KSR1: variants seen among roughly 807,000 people sequenced by gnomAD.
KSR1 encodes the protein kinase suppressor of ras 1.
A neutral mutation model predicts 92.9 loss-of-function variants in KSR1; 35 were observed. The observed-to-expected ratio is 0.38, with a 90% CI of 0.29 to 0.50. The LOEUF is 0.50. KSR1 is among the 20% of genes least tolerant of loss of function. The pLI, the probability that KSR1 is intolerant of heterozygous loss-of-function variation, is 0.94. For missense variants in KSR1, 972 were observed against 1,158.5 expected, an observed-to-expected ratio of 0.84 and a Z score of 2.34; for synonymous variants, 467 against 472.6, an observed-to-expected ratio of 0.99 and a Z score of 0.15.
At chr17:27,613,272 C>T (rs1452343068) in intron 18 of KSR1, 2 of 152,474 alleles carry the variant, frequency 1.3e-5, no homozygotes, top group African/African-American at 4.8e-5. Context: ...CCTCGGGTGC[C>T]TTAGGAGCGT....
At chr17:27,540,654 C>T (rs1025097580) in intron 1 of KSR1, among the ~76,000 whole-genome samples, 1 of 152,222 alleles carries the variant, frequency 6.6e-6, no homozygotes, top group Non-Finnish European at 1.5e-5. Flanking sequence ...GTACTTTCTC[C>T]TCTCCTTGCC....
rs1311077412 is a variant in KSR1 at position 27,625,917 on chromosome 17, G to C, written c.*2525G>C. The C allele has an allele frequency of 2.0e-5, 3 of 152,260 alleles. No individual in the cohort carries two copies. Among genetic ancestry groups the C allele is most frequent in the African/African-American group, 7.2e-5 (3 of 41,454 alleles). 9.4% of individuals were successfully genotyped at this position (152,260 alleles called of 1,614,324 possible). ...TAACCACCAGAGCCGCAGCCCCCTG[G>C]GTTTCTGTCTAACTCGAAGTCTTGA... is the stretch of plus-strand genomic sequence containing the variant. On this transcript the variant is annotated 3_prime_UTR_variant, in exon 21 of 21. Coordinates refer to ENST00000644974, the MANE Select transcript of KSR1 (RefSeq NM_001394583.1).
At chr17:27,517,940 CA>C (rs1352476474) in intron 1 of KSR1, among the ~76,000 whole-genome samples, 2 of 152,200 alleles carry the variant, frequency 1.3e-5, no homozygotes, top group Non-Finnish European at 2.9e-5. Flanking sequence ...TAAGCTAAAG[CA>C]GTAACACGAT....
intron 1 of KSR1, among the ~76,000 whole-genome samples, chr17:27,499,992 C>T (rs1469365521): frequency 6.6e-6 from 1 of 152,246 alleles, no homozygotes; most frequent in Non-Finnish European, 1.5e-5. Context: ...GCCACATCTG[C>T]ACCAGTGCTG....
At chr17:27,579,890 A>AAAAAAAAAAAAAAAAAC (rs2072674498) in intron 3 of KSR1, 1 of 140,718 alleles carries the variant, frequency 7.1e-6, no homozygotes. Flanking sequence ...AAAAAAAAAA[A>AAAAAAAAAAAAAAAAAC]AAAAAAAAAA....
Position 27,623,559 on chromosome 17 carries a change from C to A in KSR1, c.*167C>A. 1.5e-6 allele frequency: 1 copy of A among 651,464 alleles called. No individual in the cohort carries two copies. The allele number at this position is 651,464 out of a possible 1,614,324, so 40.4% of individuals were successfully genotyped here. A position where few individuals can be genotyped will look rare whatever the true frequency, so the allele number is the denominator to read the frequency against. The stretch of plus-strand genomic sequence containing the variant: ...CATAAACCCCACTCGGGAGATGGAG[C>A]TGCACCTGCTATTTCTTAAAATGAC... On this transcript the variant is annotated 3_prime_UTR_variant, in exon 21 of 21. Transcript: ENST00000644974.
intron 2 of KSR1, among the ~76,000 whole-genome samples, chr17:27,565,977 TC>T (rs2072045162): frequency 6.6e-6 from 1 of 152,144 alleles, no homozygotes. Context: ...CCATGAGCCA[TC>T]CCAGGCATCT....
At chr17:27,498,243 T>C (rs1353511951) in intron 1 of KSR1, among the ~76,000 whole-genome samples, 1 of 145,218 alleles carries the variant, frequency 6.9e-6, no homozygotes, top group Admixed American at 7.2e-5. Context: ...GGCAGGAGAA[T>C]GGCATGAACT....
chr17:27,463,661 G>C (rs903413041), intron 1 of KSR1, among the ~76,000 whole-genome samples: 1 of 152,096 alleles, frequency 6.6e-6, no homozygotes, highest in African/African-American at 2.4e-5. Flanking sequence ...TTAGAAGAAG[G>C]CCTTTTCCTT....
At chr17:27,538,784 C>T (rs1194917375) in intron 1 of KSR1, among the ~76,000 whole-genome samples, 1 of 152,176 alleles carries the variant, frequency 6.6e-6, no homozygotes, top group Non-Finnish European at 1.5e-5. Context: ...GCCCCTCATC[C>T]TTCTGGGGGA....
At chr17:27,456,949 C>T (rs2019201290) in intron 1 of KSR1, 75 bp downstream of exon 1, 1 of 725,658 alleles carries the variant, frequency 1.4e-6, no homozygotes, top group East Asian at 2.6e-5. Flanking sequence ...GTACTCCTGG[C>T]CGAGTTGCAT....
intron 1 of KSR1, among the ~76,000 whole-genome samples, chr17:27,461,586 C>T (rs1200336735): frequency 2.0e-5 from 3 of 152,248 alleles, no homozygotes; most frequent in Non-Finnish European, 2.9e-5. Flanking sequence ...GGGCTCTGGC[C>T]CTTTTTTGTG....
chr17:27,476,968 C>T (rs974358577), intron 1 of KSR1, among the ~76,000 whole-genome samples: 1 of 152,198 alleles, frequency 6.6e-6, no homozygotes, highest in East Asian at 1.9e-4. Context: ...ACAGACAGAG[C>T]AGCCCTGAGG....
intron 2 of KSR1, among the ~76,000 whole-genome samples, chr17:27,571,827 C>G (rs2072320673): frequency 6.6e-6 from 1 of 152,264 alleles, no homozygotes; most frequent in African/African-American, 2.4e-5. Context: ...GGTGCCGCCC[C>G]TGGCATTTTC....
chr17:27,623,570 A>C lies in KSR1; in HGVS notation c.*178A>C, dbSNP rs772716895. ...CTCGGGAGATGGAGCTGCACCTGCT[A>C]TTTCTTAAAATGACACCACCAACAA... On this transcript the variant is annotated 3_prime_UTR_variant, in exon 21 of 21. Transcript: ENST00000644974. 8.1e-5 allele frequency: 52 copies of C among 643,028 alleles called. No homozygotes were observed. The highest frequency in any genetic ancestry group is 1.4e-4 in the Non-Finnish European group (49 of 361,404). 39.8% of individuals were successfully genotyped at this position (643,028 alleles called of 1,614,324 possible). A position where few individuals can be genotyped will look rare whatever the true frequency, so the allele number is the denominator to read the frequency against.
chr17:27,492,389 G>A (rs181277623), intron 1 of KSR1, among the ~76,000 whole-genome samples: 183 of 152,236 alleles, frequency 1.2e-3, no homozygotes, highest in Non-Finnish European at 4.4e-4. Context: ...ACACCTGCTC[G>A]TTTCTTGTGC....
intron 2 of KSR1, among the ~76,000 whole-genome samples, chr17:27,557,438 G>A (rs185350012): frequency 7.2e-4 from 110 of 152,328 alleles, no homozygotes; most frequent in Admixed American, 2.1e-3. Context: ...GGTGCCCACT[G>A]TGGTGGGCAC....
At chr17:27,609,706 G>T in intron 16 of KSR1, 1 of 336,424 alleles carries the variant, frequency 3.0e-6, no homozygotes. Context: ...AGGGAGCATG[G>T]CAGCAAGGCT....
chr17:27,586,510 CAG>C (rs1485362747), intron 5 of KSR1, among the ~76,000 whole-genome samples: 1 of 152,132 alleles, frequency 6.6e-6, no homozygotes, highest in East Asian at 1.9e-4. Context: ...CAGGGAGGCA[CAG>C]GGGGAGCATG....
Sources: allele counts gnomAD v4.1 joint callset (sites outside exome capture counted in the v4.1 genomes callset), GRCh38; gene constraint gnomAD v4.1.1; transcripts MANE v1.5; gene names NCBI Gene and HGNC (gene_info 2026-07-23, HGNC 2026-07-21).